TET1: variants seen among roughly 807,000 people sequenced by gnomAD.
The protein encoded by TET1 is tet methylcytosine dioxygenase 1, also known as methylcytosine dioxygenase TET1.
In TET1, 13 loss-of-function variants were observed where a neutral mutation model predicts 148.7. The ratio of observed to expected loss-of-function variants is 0.09; its 90% CI spans 0.06 to 0.14. The LOEUF (loss-of-function observed/expected upper bound fraction) is 0.14, where lower values mean the gene tolerates loss of function less well. Among genes scored for constraint, TET1 ranks in the 10% least tolerant of loss-of-function variants. The probability of loss-of-function intolerance (pLI) is 1.00; values close to 1 mark genes in which losing one functional copy is unlikely to be tolerated. For synonymous variants in TET1, 907 were observed against 937.2 expected, an observed-to-expected ratio of 0.97 and a Z score of 0.59; for missense variants, 2,182 against 2,553.8, an observed-to-expected ratio of 0.85 and a Z score of 3.14.
At chr10:68,611,158 G>T (rs1224093663) in intron 3 of TET1, among the ~76,000 whole-genome samples, 3 of 152,022 alleles carry the variant, frequency 2.0e-5, no homozygotes, top group South Asian at 4.2e-4. Context: ...AGACATGGTG[G>T]CGGGCACCTG....
rs71470530 is a variant in TET1, at chr10:68,595,612, C to CTTTTTTTT, written c.1915-5354_1915-5347dup. 1.0e-2 allele frequency among the ~76,000 whole-genome samples: 764 copies of CTTTTTTTT among 76,474 alleles called. 65 individuals are homozygous for CTTTTTTTT. The highest frequency in any genetic ancestry group is 0.034 in the African/African-American group (666 of 19,614). The allele number at this position is 76,474 out of a possible 152,430, so 50.2% of individuals were successfully genotyped here. ...CACAACACACACACACACACAGCTT[C>CTTTTTTTT]TTTTTTTTTTTTTTTTTTTTTTGAG... On this transcript the variant is annotated intron_variant, in intron 2 of 11. Coordinates refer to ENST00000373644, the MANE Select transcript of TET1 (RefSeq NM_030625.3).
At chr10:68,588,308 G>C (rs2053882282) in intron 2 of TET1, among the ~76,000 whole-genome samples, 1 of 152,180 alleles carries the variant, frequency 6.6e-6, no homozygotes, top group Admixed American at 6.5e-5. Flanking sequence ...TAAGTGAGCA[G>C]TATAGCATTA....
chr10:68,661,844 T>G (rs996487523), intron 6 of TET1, among the ~76,000 whole-genome samples: 8 of 135,070 alleles, frequency 5.9e-5, no homozygotes, highest in Admixed American at 1.5e-4. Flanking sequence ...AAAAACCAAG[T>G]ATTGTGGGTT....
chr10:68,676,345 G>A (rs2055361739), intron 8 of TET1, among the ~76,000 whole-genome samples: 1 of 128,092 alleles, frequency 7.8e-6, no homozygotes, highest in Admixed American at 9.4e-5. Context: ...GTGCAGTGGC[G>A]CGATCTCATC....
intron 3 of TET1, among the ~76,000 whole-genome samples, chr10:68,623,497 A>G (rs1262611829): frequency 1.3e-5 from 2 of 152,200 alleles, no homozygotes; most frequent in Admixed American, 1.3e-4. Flanking sequence ...AATAGAGTTA[A>G]CAGAGTCCAC....
At chr10:68,582,115 A>G (rs1206518446) in intron 2 of TET1, among the ~76,000 whole-genome samples, 1 of 133,462 alleles carries the variant, frequency 7.5e-6, no homozygotes, top group Non-Finnish European at 1.6e-5. Flanking sequence ...TTTTTTTTTT[A>G]TGGAAATGGA....
intron 3 of TET1, among the ~76,000 whole-genome samples, chr10:68,614,716 C>A (rs2054263916): frequency 6.6e-6 from 1 of 152,092 alleles, no homozygotes; most frequent in Admixed American, 6.6e-5. Context: ...GCCTGAGTCT[C>A]TTGAGTAGCT....
intron 3 of TET1, 70 bp downstream of exon 3, chr10:68,601,104 T>C: frequency 7.3e-7 from 1 of 1,370,510 alleles, no homozygotes; most frequent in South Asian, 1.3e-5. Flanking sequence ...TGCACTTGGG[T>C]ATATTTGGAG....
chr10:68,675,053 T>A (rs1295644767), intron 8 of TET1: 1 of 536,636 alleles, frequency 1.9e-6, no homozygotes, highest in East Asian at 6.3e-5. Flanking sequence ...ACAAAACAGG[T>A]GCTAAAGTAG....
chr10:68,687,877 G>A (rs757134338), intron 11 of TET1, among the ~76,000 whole-genome samples: 20 of 152,118 alleles, frequency 1.3e-4, no homozygotes, highest in Non-Finnish European at 2.4e-4. Context: ...CACCTGGCTT[G>A]ATTTGTTGAT....
chr10:68,658,627 T>G (rs896179243), intron 6 of TET1, among the ~76,000 whole-genome samples: 2 of 152,216 alleles, frequency 1.3e-5, no homozygotes, highest in African/African-American at 2.4e-5. Flanking sequence ...TCATTAAAAC[T>G]CTCACATAAT....
intron 3 of TET1, among the ~76,000 whole-genome samples, chr10:68,609,790 T>G (rs2054180606): frequency 6.6e-6 from 1 of 152,044 alleles, no homozygotes; most frequent in African/African-American, 2.4e-5. Flanking sequence ...ATTTATTTAT[T>G]TTTAAATATT....
chr10:68,674,513 A>G, intron 8 of TET1: 6 of 484,090 alleles, frequency 1.2e-5, no homozygotes, highest in South Asian at 1.2e-4. Flanking sequence ...AGGGTCGTGT[A>G]TTTGAAGTGA....
intron 5 of TET1, 137 bp downstream of exon 5, chr10:68,652,073 A>T: frequency 1.3e-6 from 1 of 786,594 alleles, no homozygotes; most frequent in Non-Finnish European, 2.0e-6. Context: ...GGGCCCAACA[A>T]AAGAGGGGTG....
chr10:68,589,662 ATTTTTTTTTTTTT>A (rs57278279), intron 2 of TET1, among the ~76,000 whole-genome samples: 2 of 109,766 alleles, frequency 1.8e-5, no homozygotes, highest in African/African-American at 7.9e-5. Flanking sequence ...AATATCTCCA[ATTTTTTTTTTTTT>A]TTTTTTTTTT....
intron 8 of TET1, chr10:68,674,781 C>T: frequency 8.1e-6 from 4 of 494,968 alleles, no homozygotes; most frequent in South Asian, 6.3e-5. Context: ...ACCTCTTATG[C>T]TTAGCACCAA....
intron 3 of TET1, among the ~76,000 whole-genome samples, chr10:68,611,278 G>A (rs1247688228): frequency 3.3e-5 from 5 of 151,170 alleles, no homozygotes; most frequent in East Asian, 1.9e-4. Flanking sequence ...GCAACAGAGC[G>A]AGACTCCTTC....
At chr10:68,611,637 T>A (rs2054211951) in intron 3 of TET1, among the ~76,000 whole-genome samples, 1 of 145,192 alleles carries the variant, frequency 6.9e-6, no homozygotes, top group Admixed American at 7.0e-5. Context: ...AGGCCAATTG[T>A]CAGAGACCCT....
At chr10:68,674,754 A>G in intron 8 of TET1, 2 of 494,438 alleles carry the variant, frequency 4.0e-6, no homozygotes, top group East Asian at 5.6e-5. Flanking sequence ...AAAAAATGCA[A>G]CAATCAGATA....
Sources: gnomAD v4.1 joint callset for allele counts (sites outside exome capture counted in the v4.1 genomes callset) on GRCh38, gnomAD v4.1.1 for gene constraint, MANE v1.5 for transcripts, NCBI Gene and HGNC (gene_info 2026-07-23, HGNC 2026-07-21) for gene names.